The following IFNGR2 variants were observed in gnomAD, a reference collection of about 807,000 sequenced individuals.
IFNGR2 encodes the protein interferon gamma receptor 2.
IFNGR2 carries 15 observed loss-of-function variants against 41.1 expected under a neutral mutation model. The observed-to-expected ratio is 0.37, with a 90% CI of 0.24 to 0.56. The LOEUF is 0.56. Ranked by LOEUF, IFNGR2 falls within the 20% of genes least tolerant of loss-of-function variation. The probability of loss-of-function intolerance (pLI) is 0.81; values close to 1 mark genes in which losing one functional copy is unlikely to be tolerated. For synonymous variants in IFNGR2, 161 were observed against 171.6 expected, an observed-to-expected ratio of 0.94 and a Z score of 0.48; for missense variants, 362 against 415.7, an observed-to-expected ratio of 0.87 and a Z score of 1.12.
intron 3 of IFNGR2, among the ~76,000 whole-genome samples, chr21:33,422,877 C>CAA (rs71194843): frequency 0.014 from 475 of 34,530 alleles, no homozygotes; most frequent in East Asian, 0.035. Context: ...AACTCCATCT[C>CAA]AAAAAAAAAA....
At position 33,436,867 on chromosome 21, in the gene IFNGR2, G is replaced by T. The variant is rs2083959284; in HGVS notation, c.919G>T (p.Asp307Tyr). 1 of 1,614,054 alleles carries T rather than the reference G, an allele frequency of 6.2e-7. No homozygotes were observed. Among genetic ancestry groups the T allele is most frequent in the East Asian group, 2.2e-5 (1 of 44,884 alleles). ...DPTQPILEAL[D>Y]KDSSPKDDVW... ...AACTCAGCCCATCTTAGAGGCCTTGGACAAGGACAGCTCACCAAAGGATGA... is the reference window on the plus strand; with the variant it reads ...AACTCAGCCCATCTTAGAGGCCTTGTACAAGGACAGCTCACCAAAGGATGA... Residue 307 changes from aspartate to tyrosine, a missense_variant, in exon 7 of 7, where the codon GAC becomes TAC. Asp to Tyr is a radical substitution (Grantham distance 160). Coordinates refer to ENST00000290219, the MANE Select transcript of IFNGR2 (RefSeq NM_005534.4).
chr21:33,422,356 C>T (rs1429175995), intron 3 of IFNGR2, among the ~76,000 whole-genome samples: 1 of 152,206 alleles, frequency 6.6e-6, no homozygotes, highest in Non-Finnish European at 1.5e-5. Context: ...TATGCACACA[C>T]AGGGCATGAA....
intron 3 of IFNGR2, among the ~76,000 whole-genome samples, chr21:33,423,905 C>T (rs1393089475): frequency 6.6e-6 from 1 of 151,826 alleles, no homozygotes; most frequent in East Asian, 1.9e-4. Flanking sequence ...GCAATCCTGC[C>T]AGCTCCTCGT....
At position 33,403,580 on chromosome 21, in the gene IFNGR2, C is replaced by T. The variant is rs1012938610; in HGVS notation, c.37C>T (p.Leu13Phe). ...PTLLWSLLLLLGVFAAAAAAP... is the reference protein window; with the variant it reads ...PTLLWSLLLLFGVFAAAAAAP... ...GCTGCTGTGGTCGCTGCTGCTGCTG[C>T]TCGGAGTCTTCGCCGCCGCCGCCGC... The change falls in exon 1 of 7, where the codon CTC (leucine) becomes TTC (phenylalanine). Residue 13 changes from leucine to phenylalanine, a missense_variant. Leu to Phe is a conservative substitution (Grantham distance 22). Transcript: ENST00000290219. 1.6e-3 allele frequency: 2,179 copies of T among 1,375,618 alleles called. 5 individuals are homozygous for T. Among genetic ancestry groups the T allele is most frequent in the Admixed American group, 2.8e-3 (98 of 34,998 alleles). The allele number at this position is 1,375,618 out of a possible 1,614,324, so 85.2% of individuals were successfully genotyped here.
Position 33,432,672 on chromosome 21 carries a change from C to T in IFNGR2, c.722-42C>T, listed in dbSNP as rs121913216. Reference sequence around the variant, plus strand: ...AACATTAACTGATGTTTGTGTTGTGCGTAGGAAGATCATTCTGTTCACTTT... The same window carrying T: ...AACATTAACTGATGTTTGTGTTGTGTGTAGGAAGATCATTCTGTTCACTTT... On this transcript the variant is annotated intron_variant, in intron 5 of 6. Coordinates refer to ENST00000290219, the MANE Select transcript of IFNGR2 (RefSeq NM_005534.4). 1.5e-3 allele frequency: 2,330 copies of T among 1,602,266 alleles called. 5 individuals are homozygous for T. The highest frequency in any genetic ancestry group is 1.8e-3 in the Non-Finnish European group (2,070 of 1,169,230).
At chr21:33,419,255 G>A (rs1387939444) in intron 2 of IFNGR2, among the ~76,000 whole-genome samples, 1 of 152,136 alleles carries the variant, frequency 6.6e-6, no homozygotes, top group Admixed American at 6.6e-5. Context: ...ACAGGCGCCC[G>A]CCACCATGCC....
chr21:33,413,990 A>C (rs112905757), intron 1 of IFNGR2, among the ~76,000 whole-genome samples: 4 of 151,722 alleles, frequency 2.6e-5, no homozygotes, highest in African/African-American at 9.7e-5. Flanking sequence ...TCACCACCGC[A>C]CCTGGCTAAC....
chr21:33,406,689 C>T (rs1235687564), intron 1 of IFNGR2, among the ~76,000 whole-genome samples: 1 of 150,802 alleles, frequency 6.6e-6, no homozygotes, highest in Non-Finnish European at 1.5e-5. Context: ...TCTCCATCGC[C>T]CAGGCTGCAG....
chr21:33,420,023 G>A (rs1475204975), intron 2 of IFNGR2, among the ~76,000 whole-genome samples: 1 of 152,132 alleles, frequency 6.6e-6, no homozygotes, highest in Non-Finnish European at 1.5e-5. Context: ...GGAGAGGCTC[G>A]TGGTTTGCGA....
At chr21:33,423,828 ATT>A (rs35451913) in intron 3 of IFNGR2, among the ~76,000 whole-genome samples, 2 of 142,996 alleles carry the variant, frequency 1.4e-5, no homozygotes, top group African/African-American at 2.6e-5. Context: ...CCCCATCTCT[ATT>A]TTTTTTTTTT....
At chr21:33,424,451 T>G (rs1040844437) in intron 3 of IFNGR2, among the ~76,000 whole-genome samples, 1 of 152,216 alleles carries the variant, frequency 6.6e-6, no homozygotes, top group African/African-American at 2.4e-5. Flanking sequence ...AGTTACTGGC[T>G]GGGCTGCTGT....
At chr21:33,410,887 C>T (rs1044337285) in intron 1 of IFNGR2, 1 of 1,543,782 alleles carries the variant, frequency 6.5e-7, no homozygotes, top group Non-Finnish European at 8.8e-7. Flanking sequence ...TCAGCAGCTA[C>T]TCATGGTAAG....
At chr21:33,409,054 G>A (rs1405932258) in intron 1 of IFNGR2, among the ~76,000 whole-genome samples, 1 of 151,988 alleles carries the variant, frequency 6.6e-6, no homozygotes, top group Non-Finnish European at 1.5e-5. Context: ...GCGGGTGCCT[G>A]TAATCCCAGC....
At chr21:33,436,007 G>C (rs2083944368) in intron 6 of IFNGR2, among the ~76,000 whole-genome samples, 1 of 151,968 alleles carries the variant, frequency 6.6e-6, no homozygotes, top group Non-Finnish European at 1.5e-5. Context: ...GTTGCAGTGA[G>C]CCGAGATCGC....
chr21:33,426,069 T>C (rs564546955), intron 3 of IFNGR2, among the ~76,000 whole-genome samples: 31 of 152,348 alleles, frequency 2.0e-4, no homozygotes, highest in African/African-American at 7.2e-4. Flanking sequence ...CTGTGAATTA[T>C]ATGAAAAGCC....
rs1324112986 is a variant in IFNGR2, at chr21:33,403,623, CG to C, written c.73+10del. ...GCCGCCGCGGCCCCGCCAGGTGAGCCGGGCCTGGGCCTCCGCGGCGGGACGC... is the reference window on the plus strand; with the variant it reads ...GCCGCCGCGGCCCCGCCAGGTGAGCCGGCCTGGGCCTCCGCGGCGGGACGC... On this transcript the variant is annotated splice_region_variant and intron_variant, in intron 1 of 6. Coordinates refer to ENST00000290219, the MANE Select transcript of IFNGR2 (RefSeq NM_005534.4). 6.8e-6 allele frequency: 9 copies of C among 1,326,774 alleles called. No individual in the cohort carries two copies. In the South Asian group the frequency reaches 1.3e-4, roughly 19 times the overall value. The allele number at this position is 1,326,774 out of a possible 1,614,324, so 82.2% of individuals were successfully genotyped here.
chr21:33,422,216 G>C (rs2083799309), intron 3 of IFNGR2, among the ~76,000 whole-genome samples: 1 of 152,188 alleles, frequency 6.6e-6, no homozygotes, highest in South Asian at 2.1e-4. Context: ...GAATGACTGA[G>C]TGAACAAATA....
chr21:33,421,230 G>A (rs1166289459), intron 2 of IFNGR2, among the ~76,000 whole-genome samples: 1 of 150,588 alleles, frequency 6.6e-6, no homozygotes, highest in Non-Finnish European at 1.5e-5. Context: ...TACTCGGGAG[G>A]CTGAGGCACA....
intron 2 of IFNGR2, 37 bp from the exon 3 acceptor site, chr21:33,421,443 A>G: frequency 6.5e-7 from 1 of 1,538,536 alleles, no homozygotes; most frequent in Non-Finnish European, 9.0e-7. Context: ...CATGAAACAG[A>G]GAATTCTGTG....
Sources: gnomAD v4.1 joint callset for allele counts (sites outside exome capture counted in the v4.1 genomes callset) on GRCh38, gnomAD v4.1.1 for gene constraint, MANE v1.5 for transcripts, NCBI Gene and HGNC (gene_info 2026-07-23, HGNC 2026-07-21) for gene names.